THBS4: variants seen among roughly 807,000 people sequenced by gnomAD.
The protein encoded by THBS4 is thrombospondin 4, also known as thrombospondin-4.
In THBS4, 90 loss-of-function variants were observed where a neutral mutation model predicts 115.7. The ratio of observed to expected loss-of-function variants is 0.78; its 90% CI spans 0.66 to 0.93. The LOEUF is 0.93. THBS4 is among the 40% of genes least tolerant of loss of function. THBS4 has a pLI of 0.00. For missense variants in THBS4, 1,087 were observed against 1,232.7 expected (o/e 0.88, Z 1.77); for synonymous variants, 460 against 479.3 (o/e 0.96, Z 0.53).
intron 2 of THBS4, among the ~76,000 whole-genome samples, chr5:80,023,160 G>A (rs79782128): frequency 2.6e-5 from 4 of 152,240 alleles, no homozygotes; most frequent in Admixed American, 6.5e-5. Flanking sequence ...AATTATTCCC[G>A]AGTGTCCATT....
At chr5:80,039,955 A>C in intron 1 of THBS4, 122 bp from the exon 2 acceptor site, 1 of 833,328 alleles carries the variant, frequency 1.2e-6, no homozygotes, top group South Asian at 1.6e-5. Context: ...AAAAGGGATT[A>C]CAAGATTAGT....
chr5:80,074,623 TCTC>T (rs1296244911), intron 15 of THBS4, among the ~76,000 whole-genome samples: 8 of 146,456 alleles, frequency 5.5e-5, no homozygotes, highest in African/African-American at 2.1e-4. Context: ...CAGCTCTCTC[TCTC>T]TTTTTTTTTT....
At chr5:80,022,037 A>G (rs1464207265) in intron 2 of THBS4, among the ~76,000 whole-genome samples, 1 of 152,032 alleles carries the variant, frequency 6.6e-6, no homozygotes. Context: ...GCGACTCCTG[A>G]TGTCTCAGTT....
intron 2 of THBS4, among the ~76,000 whole-genome samples, chr5:80,009,524 G>A (rs888686075): frequency 2.0e-5 from 3 of 152,010 alleles, no homozygotes; most frequent in East Asian, 3.9e-4. Context: ...ACTGCTCTTC[G>A]GTTGTGTAGT....
At chr5:80,046,921 A>G (rs1439767895) in intron 2 of THBS4, among the ~76,000 whole-genome samples, 1 of 152,214 alleles carries the variant, frequency 6.6e-6, no homozygotes, top group Non-Finnish European at 1.5e-5. Context: ...TATCATTCAT[A>G]TTTACAAAGT....
chr5:80,080,129 G>A (rs372855749), intron 20 of THBS4, 52 bp downstream of exon 20: 179 of 1,558,818 alleles, frequency 1.1e-4, no homozygotes, highest in Non-Finnish European at 1.4e-4. Flanking sequence ...AGCATTCTCC[G>A]TTCTGCATCC....
chr5:80,027,969 G>A (rs182380482), intron 2 of THBS4, among the ~76,000 whole-genome samples: 3 of 149,288 alleles, frequency 2.0e-5, no homozygotes, highest in African/African-American at 5.0e-5. Context: ...AGCTCTATTC[G>A]ACCTAAATCA....
intron 1 of THBS4, chr5:79,991,545 A>T (rs2151145506): frequency 1.1e-5 from 3 of 280,974 alleles, no homozygotes; most frequent in East Asian, 1.2e-4. Flanking sequence ...TTTGTAAAAC[A>T]GGGATGACCC....
At chr5:80,013,865 T>C (rs1185721754) in intron 2 of THBS4, among the ~76,000 whole-genome samples, 1 of 152,218 alleles carries the variant, frequency 6.6e-6, no homozygotes, top group Non-Finnish European at 1.5e-5. Flanking sequence ...TAAGCACTGA[T>C]AAATGACAGT....
Position 79,997,434 on chromosome 5 carries a change from A to C in THBS4, n.82-898A>C, listed in dbSNP as rs558801986. ...TATGAAGGACATTACATAATGATAA[A>C]TGGATCAGTCCACAAGACAACATAT... is the stretch of plus-strand genomic sequence containing the variant. On this transcript the variant is annotated intron_variant and non_coding_transcript_variant, in intron 1 of 3. Coordinates refer to the THBS4 transcript ENST00000510218. Among the ~76,000 whole-genome samples, 4 of 152,258 alleles carry C rather than the reference A, an allele frequency of 2.6e-5. No homozygotes were observed. In the East Asian group the frequency reaches 7.7e-4, roughly 29 times the overall value.
intron 7 of THBS4, 86 bp from the exon 8 acceptor site, chr5:80,061,609 C>A: frequency 1.4e-6 from 2 of 1,447,834 alleles, no homozygotes; most frequent in Non-Finnish European, 1.8e-6. Flanking sequence ...AGTTAAATGA[C>A]TAAACAAGTA....
Position 80,079,192 on chromosome 5 carries a change from G to A in THBS4, c.2445G>A (p.Gln815=). Residue 815 remains glutamine, a synonymous_variant, in exon 19 of 22, where the codon CAG becomes CAA. Transcript: ENST00000350881. ...GCTTCTACGTGGTCATGTGGAAGCAGACGGAGCAGACATATTGGCAAGCCA... is the reference window on the plus strand; with the variant it reads ...GCTTCTACGTGGTCATGTGGAAGCAAACGGAGCAGACATATTGGCAAGCCA... ...SSSFYVVMWK[Q]TEQTYWQATP... 6.2e-7 allele frequency: 1 copy of A among 1,614,240 alleles called. No individual in the cohort carries two copies. The highest frequency in any genetic ancestry group is 8.5e-7 in the Non-Finnish European group (1 of 1,180,038).
chr5:80,076,871 C>T lies in THBS4; in HGVS notation c.1909C>T (p.Gln637Ter), dbSNP rs1308342605. 5 of 1,591,434 alleles carry T rather than the reference C, an allele frequency of 3.1e-6. No homozygotes were observed. The highest frequency in any genetic ancestry group is 4.3e-6 in the Non-Finnish European group (5 of 1,168,084). Residue 637 changes from glutamine (Q) to a stop codon, truncating the protein, a stop_gained, in exon 16 of 22, where the codon CAG becomes TAG. Coordinates refer to ENST00000350881, the MANE Select transcript of THBS4 (RefSeq NM_003248.6). LOFTEE classifies it high-confidence loss of function. ...CTCCTGCAGTGATGGAGATGGGCAC[C>T]AGGACAGCACAGACAACTGCCCCAC... ...TNQDSDGDGHQDSTDNCPTVI... is the reference protein window; with the variant it reads ...TNQDSDGDGH
At chr5:80,018,125 T>C (rs975608520) in intron 2 of THBS4, among the ~76,000 whole-genome samples, 3 of 152,140 alleles carry the variant, frequency 2.0e-5, no homozygotes, top group Admixed American at 2.0e-4. Flanking sequence ...TCAGCCATTT[T>C]TCCTTGGAAT....
rs17879695 is a variant in THBS4 at position 80,037,440 on chromosome 5, G to A, written c.88+1815G>A. 5.0e-3 allele frequency among the ~76,000 whole-genome samples: 764 copies of A among 152,208 alleles called. 11 individuals are homozygous for A. Among genetic ancestry groups the A allele is most frequent in the African/African-American group, 0.016 (644 of 41,514 alleles). The stretch of plus-strand genomic sequence containing the variant: ...TCAATTTACATACCATGGTAGCTGC[G>A]CTCATTGGTAGCAGTAATTTCACCT... On this transcript the variant is annotated intron_variant, in intron 1 of 21. Coordinates refer to ENST00000350881, the MANE Select transcript of THBS4 (RefSeq NM_003248.6).
In THBS4 at chr5:80,076,893, C is replaced by A; in HGVS notation, c.1931C>A (p.Pro644His). Residue 644 changes from proline to histidine, a missense_variant, in exon 16 of 22, where the codon CCC becomes CAC. Physicochemically the swap from Pro to His is moderately conservative, Grantham distance 77. Coordinates refer to ENST00000350881, the MANE Select transcript of THBS4 (RefSeq NM_003248.6). ...DGHQDSTDNCPTVINSAQLDT... is the reference protein window; with the variant it reads ...DGHQDSTDNCHTVINSAQLDT... Reference sequence around the variant, plus strand: ...CACCAGGACAGCACAGACAACTGCCCCACCGTCATTAACAGTGCCCAGCTG... The same window carrying A: ...CACCAGGACAGCACAGACAACTGCCACACCGTCATTAACAGTGCCCAGCTG... 1 of 1,609,674 alleles carries A rather than the reference C, an allele frequency of 6.2e-7. No individual in the cohort carries two copies. Among genetic ancestry groups the A allele is most frequent in the South Asian group, 1.1e-5 (1 of 90,210 alleles).
At chr5:80,079,294 T>C (rs1475525949) in intron 19 of THBS4, 36 bp downstream of exon 19, 19 of 1,540,708 alleles carry the variant, frequency 1.2e-5, no homozygotes, top group Non-Finnish European at 1.7e-5. Flanking sequence ...CTCCCTTTCT[T>C]CTGGACCTCT....
rs1561315786 is a variant in THBS4, at chr5:80,059,700, TAG to T, written c.785-2_785-1del. 1.2e-6 allele frequency: 2 copies of T among 1,613,988 alleles called. No individual in the cohort carries two copies. The highest frequency in any genetic ancestry group is 1.7e-6 in the Non-Finnish European group (2 of 1,179,872). On this transcript the variant is annotated splice_acceptor_variant, in intron 6 of 21. Transcript: ENST00000350881. LOFTEE classifies it high-confidence loss of function. ...ACGCCTGTGGATGATTGTTTTTCTCTAGGTCCTCTCAAGTTTCAGTCTCCGAC... is the reference window on the plus strand; with the variant it reads ...ACGCCTGTGGATGATTGTTTTTCTCTGTCCTCTCAAGTTTCAGTCTCCGAC...
chr5:80,030,004 C>G (rs1316541722), intron 2 of THBS4, among the ~76,000 whole-genome samples: 1 of 151,974 alleles, frequency 6.6e-6, no homozygotes, highest in Non-Finnish European at 1.5e-5. Context: ...TTGAATTGCA[C>G]ACTAATCAAA....
Sources: gnomAD v4.1 joint callset for allele counts (sites outside exome capture counted in the v4.1 genomes callset) on GRCh38, gnomAD v4.1.1 for gene constraint, MANE v1.5 for transcripts, NCBI Gene and HGNC (gene_info 2026-07-23, HGNC 2026-07-21) for gene names.